Variants in PRKG1 observed in about 807,000 individuals in gnomAD.
The protein encoded by PRKG1 is cGMP-dependent protein kinase 1.
Under a neutral mutation model 88.1 loss-of-function variants are expected in PRKG1, and 35 were observed. That is an observed-to-expected ratio of 0.40 (90% CI 0.30 to 0.53). The LOEUF (loss-of-function observed/expected upper bound fraction) is 0.53. Among genes scored for constraint, PRKG1 ranks in the 20% least tolerant of loss-of-function variants. The pLI is 0.59. For synonymous variants in PRKG1, 303 were observed against 292.5 expected (o/e 1.04, Z -0.37); for missense variants, 540 against 839.8 (o/e 0.64, Z 4.41).
chr10:51,319,083 A>T (rs532222723), intron 2 of PRKG1, among the ~76,000 whole-genome samples: 12 of 152,336 alleles, frequency 7.9e-5, no homozygotes, highest in African/African-American at 2.6e-4. Context: ...TTGGTTTCTT[A>T]CACATTCCTG....
At chr10:51,378,576 C>T (rs373639073) in intron 2 of PRKG1, among the ~76,000 whole-genome samples, 1 of 152,134 alleles carries the variant, frequency 6.6e-6, no homozygotes, top group East Asian at 1.9e-4. Context: ...AACCTCTAAC[C>T]TCTATGCACA....
chr10:51,301,584 T>C (rs1012965354), intron 2 of PRKG1, among the ~76,000 whole-genome samples: 2 of 152,080 alleles, frequency 1.3e-5, no homozygotes, highest in African/African-American at 4.8e-5. Context: ...CAGAAATCCA[T>C]AGTAATCTAT....
At chr10:52,094,842 C>T (rs1847137921) in intron 7 of PRKG1, among the ~76,000 whole-genome samples, 1 of 152,156 alleles carries the variant, frequency 6.6e-6, no homozygotes, top group African/African-American at 2.4e-5. Context: ...AAATACCTCC[C>T]AAGACCCCAT....
At chr10:52,082,859 T>A (rs1037361509) in intron 7 of PRKG1, among the ~76,000 whole-genome samples, 1 of 152,148 alleles carries the variant, frequency 6.6e-6, no homozygotes, top group Non-Finnish European at 1.5e-5. Flanking sequence ...GTTTGTGTTT[T>A]AAAAATTTTT....
intron 3 of PRKG1, among the ~76,000 whole-genome samples, chr10:51,507,284 TA>T (rs1198962713): frequency 6.7e-6 from 1 of 149,006 alleles, no homozygotes; most frequent in Non-Finnish European, 1.5e-5. Context: ...ACATGTACCC[TA>T]AAACTTAAAG....
intron 3 of PRKG1, among the ~76,000 whole-genome samples, chr10:51,480,427 C>G (rs1341781835): frequency 3.3e-5 from 5 of 152,078 alleles, no homozygotes; most frequent in African/African-American, 1.2e-4. Flanking sequence ...TTTAATCATA[C>G]TTGACTTATA....
intron 9 of PRKG1, among the ~76,000 whole-genome samples, chr10:52,231,836 A>C (rs1840530853): frequency 6.6e-6 from 1 of 152,244 alleles, no homozygotes; most frequent in African/African-American, 2.4e-5. Context: ...TCTAGAAATT[A>C]ACAATAACAT....
chr10:51,549,988 G>A (rs967387500), intron 3 of PRKG1, among the ~76,000 whole-genome samples: 3 of 152,006 alleles, frequency 2.0e-5, no homozygotes, highest in East Asian at 1.9e-4. Context: ...ACAGAATTCC[G>A]TGGCCAGGCT....
chr10:52,024,238 C>G (rs4517464), intron 5 of PRKG1, among the ~76,000 whole-genome samples: 52,248 of 151,894 alleles, frequency 0.34, 9,672 homozygotes, highest in South Asian at 0.44. Flanking sequence ...TCAGTGCCAT[C>G]AAGCTACCAT....
At chr10:51,146,216 C>A (rs1376080259) in intron 1 of PRKG1, among the ~76,000 whole-genome samples, 1 of 151,568 alleles carries the variant, frequency 6.6e-6, no homozygotes, top group African/African-American at 2.4e-5. Flanking sequence ...AAATGTAGTC[C>A]CTTTTCTCTG....
At chr10:51,649,799 G>A (rs1034436092) in intron 3 of PRKG1, among the ~76,000 whole-genome samples, 4 of 152,114 alleles carry the variant, frequency 2.6e-5, no homozygotes, top group Non-Finnish European at 4.4e-5. Flanking sequence ...GTTTCCCATT[G>A]GCCACTTCAT....
At chr10:51,302,759 C>T (rs148138645) in intron 2 of PRKG1, 1 of 152,210 alleles carries the variant, frequency 6.6e-6, no homozygotes. Context: ...AATGGACAGG[C>T]TGTCTTCCAA....
rs76019015 is a variant in PRKG1, at chr10:52,030,696, G to T, written c.763-23788G>T. ...GGCTGCGTGCTTCAGTTATCACATA[G>T]GACACGACCATGCTATGACTCAGCA... is the stretch of plus-strand genomic sequence containing the variant. On this transcript the variant is annotated intron_variant, in intron 5 of 17. Coordinates refer to ENST00000373980, the MANE Select transcript of PRKG1 (RefSeq NM_006258.4). Among the ~76,000 whole-genome samples, 610 of 152,236 alleles carry T rather than the reference G, an allele frequency of 4.0e-3. 7 individuals carry two copies. Among genetic ancestry groups the T allele is most frequent in the African/African-American group, 0.014 (585 of 41,540 alleles).
chr10:51,863,817 A>C (rs2132841305), intron 4 of PRKG1, among the ~76,000 whole-genome samples: 1 of 152,292 alleles, frequency 6.6e-6, no homozygotes, highest in East Asian at 1.9e-4. Flanking sequence ...CACAAAATGG[A>C]CTAAGATGGT....
intron 3 of PRKG1, among the ~76,000 whole-genome samples, chr10:51,599,660 C>T (rs1433948656): frequency 6.6e-6 from 1 of 152,032 alleles, no homozygotes; most frequent in Non-Finnish European, 1.5e-5. Context: ...CTGATTAAAA[C>T]CAGGAAAAAT....
rs116858965 is a variant in PRKG1, at chr10:51,387,467, A to G, written c.479-80256A>G. Among the ~76,000 whole-genome samples the G allele has an allele frequency of 1.3e-3, 196 of 151,892 alleles. 1 individual carries two copies. Among genetic ancestry groups the G allele is most frequent in the Non-Finnish European group, 2.2e-3 (150 of 67,838 alleles). On this transcript the variant is annotated intron_variant, in intron 2 of 17. Coordinates refer to ENST00000373980, the MANE Select transcript of PRKG1 (RefSeq NM_006258.4). ...TAGCCAGTCATTTTTCTTTGGCTAT[A>G]AAGTCCTTGCAGTCCATCACACCTC...
intron 3 of PRKG1, among the ~76,000 whole-genome samples, chr10:51,595,001 C>G (rs181847365): frequency 1.3e-3 from 198 of 152,232 alleles, no homozygotes; most frequent in African/African-American, 4.6e-3. Context: ...TGAAATGAGT[C>G]AGTGCTCCTG....
chr10:51,900,206 T>A (rs1384477280), intron 4 of PRKG1, among the ~76,000 whole-genome samples: 1 of 152,170 alleles, frequency 6.6e-6, no homozygotes. Context: ...GTGGTTGAGG[T>A]TGAAATATAT....
intron 2 of PRKG1, among the ~76,000 whole-genome samples, chr10:51,427,586 T>C (rs753432372): frequency 7.9e-5 from 12 of 152,160 alleles, no homozygotes; most frequent in Non-Finnish European, 1.0e-4. Flanking sequence ...GGGGATTCAT[T>C]GGCAAGAGCC....
Sources: allele counts gnomAD v4.1 joint callset (sites outside exome capture counted in the v4.1 genomes callset), GRCh38; gene constraint gnomAD v4.1.1; transcripts MANE v1.5; gene names NCBI Gene and HGNC (gene_info 2026-07-23, HGNC 2026-07-21).